The following CTNND1 variants were observed in gnomAD, a reference collection of about 807,000 sequenced individuals.
CTNND1 encodes the protein catenin delta-1.
In CTNND1, 16 loss-of-function variants were observed where a neutral mutation model predicts 112.1. The ratio of observed to expected loss-of-function variants is 0.14; its 90% CI spans 0.10 to 0.22. CTNND1 has a LOEUF of 0.22. Ranked by LOEUF, CTNND1 falls within the 10% of genes least tolerant of loss-of-function variation. The probability of loss-of-function intolerance (pLI) is 1.00; values close to 1 mark genes in which losing one functional copy is unlikely to be tolerated. For missense variants in CTNND1, 1,008 were observed against 1,257.0 expected (o/e 0.80, Z 3.00); for synonymous variants, 420 against 446.5 (o/e 0.94, Z 0.75).
intron 1 of CTNND1, chr11:57,781,493 A>G (rs2136315075): frequency 6.6e-6 from 1 of 152,264 alleles, no homozygotes; most frequent in East Asian, 1.9e-4. Flanking sequence ...GGAGAAAGGC[A>G]TTTGGCCTCT....
Position 57,818,414 on chromosome 11 carries a change from G to GT in CTNND1, c.*2112dup, listed in dbSNP as rs895830133. On this transcript the variant is annotated 3_prime_UTR_variant, in exon 21 of 21. Coordinates refer to ENST00000399050, the MANE Select transcript of CTNND1 (RefSeq NM_001085458.2). Reference sequence around the variant, plus strand: ...TGTTAATGCTTTTAAAAACAAATGAGTTTTTTATATAAATAAAGTTTTTAA... The same window carrying GT: ...TGTTAATGCTTTTAAAAACAAATGAGTTTTTTTATATAAATAAAGTTTTTAA... 6.6e-6 allele frequency: 1 copy of GT among 152,354 alleles called. No individual in the cohort carries two copies. The highest frequency in any genetic ancestry group is 1.5e-5 in the Non-Finnish European group (1 of 67,984). The allele number at this position is 152,354 out of a possible 1,614,324, so 9.4% of individuals were successfully genotyped here. A position where few individuals can be genotyped will look rare whatever the true frequency, so the allele number is the denominator to read the frequency against.
At chr11:57,770,273 C>T (rs1256769) in intron 1 of CTNND1, among the ~76,000 whole-genome samples, 150,126 of 152,092 alleles carry the variant, frequency 0.99, 74,140 homozygotes, top group East Asian at 1. Context: ...GAGGTTGCGG[C>T]GAGTGGAGAT....
chr11:57,808,159 G>T lies in CTNND1; in HGVS notation c.1964-6G>T. On this transcript the variant is annotated splice_region_variant and splice_polypyrimidine_tract_variant and intron_variant, in intron 12 of 20. Transcript: ENST00000399050. ...CACCCTCTGCTTCTATTTCTCTTTT[G>T]TGCAGGCTATGAGCTCTTATTTCAG... 1 of 1,605,876 alleles carries T rather than the reference G, an allele frequency of 6.2e-7. No homozygotes were observed. Among genetic ancestry groups the T allele is most frequent in the South Asian group, 1.1e-5 (1 of 90,894 alleles).
chr11:57,815,509 T>A lies in CTNND1; in HGVS notation c.2808+9T>A. On this transcript the variant is annotated intron_variant, in intron 19 of 20. Transcript: ENST00000399050. ...GAACAACACCCTTGATGGTAAATTC[T>A]CTTTATATACTGCTATCTGTCTAAG... 1 of 1,584,066 alleles carries A rather than the reference T, an allele frequency of 6.3e-7. No homozygotes were observed. The highest frequency in any genetic ancestry group is 8.7e-7 in the Non-Finnish European group (1 of 1,153,814).
At chr11:57,797,842 C>CAA (rs771815069) in intron 6 of CTNND1, among the ~76,000 whole-genome samples, 1,066 of 68,642 alleles carry the variant, frequency 0.016, 32 homozygotes, top group Middle Eastern at 0.056. Context: ...AACTCCACCT[C>CAA]AAAAAAAAAA....
At chr11:57,815,265 A>T in intron 18 of CTNND1, 129 bp from the exon 19 acceptor site, 1 of 587,222 alleles carries the variant, frequency 1.7e-6, no homozygotes, top group Non-Finnish European at 3.0e-6. Context: ...ATCAGACTTT[A>T]ATGCCTTTGT....
chr11:57,811,164 A>G (rs2063311536), intron 16 of CTNND1, among the ~76,000 whole-genome samples: 1 of 151,898 alleles, frequency 6.6e-6, no homozygotes, highest in African/African-American at 2.4e-5. Context: ...CTGAAACTGT[A>G]TTTTCTTCTG....
chr11:57,815,646 A>T (rs755160505), intron 19 of CTNND1, 146 bp downstream of exon 19: 1 of 839,310 alleles, frequency 1.2e-6, no homozygotes, highest in South Asian at 1.3e-5. Flanking sequence ...GTTCTGACTC[A>T]TGTTGGGATT....
intron 9 of CTNND1, 110 bp from the exon 10 acceptor site, chr11:57,805,772 G>A: frequency 8.0e-7 from 1 of 1,243,924 alleles, no homozygotes; most frequent in South Asian, 1.5e-5. Context: ...TATGGATTGG[G>A]TTATGCATTT....
chr11:57,773,441 C>G (rs1953262410), intron 1 of CTNND1, among the ~76,000 whole-genome samples: 1 of 151,002 alleles, frequency 6.6e-6, no homozygotes, highest in Non-Finnish European at 1.5e-5. Flanking sequence ...CCTGAGAGTA[C>G]CTGAGATTAT....
At chr11:57,796,308 C>T (rs771684027) in intron 5 of CTNND1, 149 bp from the exon 6 acceptor site, 1 of 696,102 alleles carries the variant, frequency 1.4e-6, no homozygotes, top group Non-Finnish European at 2.3e-6. Context: ...ATTGCGTGAA[C>T]CTGGGAGGCA....
intron 12 of CTNND1, 27 bp from the exon 13 acceptor site, chr11:57,808,138 C>G (rs1402558239): frequency 1.9e-6 from 3 of 1,599,596 alleles, no homozygotes; most frequent in Non-Finnish European, 2.6e-6. Flanking sequence ...GATTAGCACC[C>G]TCTGCTTCTA....
intron 1 of CTNND1, among the ~76,000 whole-genome samples, chr11:57,781,409 T>A (rs527244): frequency 0.98 from 148,973 of 152,280 alleles, 72,966 homozygotes; most frequent in East Asian, 1. Flanking sequence ...TGAGACCTAA[T>A]CAATACCTTT....
intron 7 of CTNND1, among the ~76,000 whole-genome samples, chr11:57,803,253 G>A (rs922782295): frequency 6.6e-6 from 1 of 152,132 alleles, no homozygotes; most frequent in Non-Finnish European, 1.5e-5. Flanking sequence ...GACTACAGGT[G>A]CCCGCCACCA....
At chr11:57,806,640 A>C in intron 11 of CTNND1, 162 bp downstream of exon 11, 1 of 683,708 alleles carries the variant, frequency 1.5e-6, no homozygotes, top group South Asian at 1.9e-5. Context: ...CTAATAGCTC[A>C]CGGCATGCTG....
chr11:57,768,829 G>C (rs11229120), intron 1 of CTNND1, among the ~76,000 whole-genome samples: 4,226 of 152,212 alleles, frequency 0.028, 214 homozygotes, highest in African/African-American at 0.097. Context: ...GCTGTGGTCT[G>C]TGGGAAATAC....
chr11:57,801,407 T>C (rs891941041), intron 6 of CTNND1, among the ~76,000 whole-genome samples: 2 of 152,240 alleles, frequency 1.3e-5, no homozygotes, highest in African/African-American at 4.8e-5. Context: ...CTGTCAGATA[T>C]CATTCAAATA....
Position 57,809,383 on chromosome 11 carries a change from G to A in CTNND1, c.2352G>A (p.Glu784=), listed in dbSNP as rs1351186298. Residue 784 remains glutamate, a synonymous_variant, in exon 15 of 21, where the codon GAG becomes GAA. Transcript: ENST00000399050. ...TVISILNTIN[E]VIAENLEAAK... ...TCTCTATTTTGAACACTATCAACGAGGTTATCGCTGAGAACTTGGAGGCTG... is the reference window on the plus strand; with the variant it reads ...TCTCTATTTTGAACACTATCAACGAAGTTATCGCTGAGAACTTGGAGGCTG... 3 of 1,613,918 alleles carry A rather than the reference G, an allele frequency of 1.9e-6. No homozygotes were observed. The highest frequency in any genetic ancestry group is 1.6e-4 in the Middle Eastern group (1 of 6,062).
At chr11:57,762,817 G>A (rs1950173607) in intron 1 of CTNND1, among the ~76,000 whole-genome samples, 1 of 152,194 alleles carries the variant, frequency 6.6e-6, no homozygotes, top group African/African-American at 2.4e-5. Context: ...GGAGGTGTTT[G>A]TTAAATCTGC....
Sources: allele counts gnomAD v4.1 joint callset (sites outside exome capture counted in the v4.1 genomes callset), GRCh38; gene constraint gnomAD v4.1.1; transcripts MANE v1.5; gene names NCBI Gene and HGNC (gene_info 2026-07-23, HGNC 2026-07-21).